Variants in KIAA0232 observed in about 807,000 individuals in gnomAD.
KIAA0232 encodes uncharacterized protein KIAA0232.
A neutral mutation model predicts 122.0 loss-of-function variants in KIAA0232; 27 were observed. That is an observed-to-expected ratio of 0.22 (90% confidence interval 0.16 to 0.31). KIAA0232 has a LOEUF of 0.31. KIAA0232 is among the 10% of genes least tolerant of loss of function. The probability of loss-of-function intolerance (pLI) is 1.00; values close to 1 mark genes in which losing one functional copy is unlikely to be tolerated. For missense variants in KIAA0232, 1,551 were observed against 1,634.2 expected (o/e 0.95, Z 0.88); for synonymous variants, 613 against 587.6 (o/e 1.04, Z -0.63).
Position 6,824,201 on chromosome 4 carries a change from C to G in KIAA0232, c.-253C>G, listed in dbSNP as rs1446280665. The G allele has an allele frequency of 3.8e-6, 2 of 532,594 alleles. No individual in the cohort carries two copies. Among genetic ancestry groups the G allele is most frequent in the Non-Finnish European group, 6.7e-6 (2 of 300,024 alleles). The allele number at this position is 532,594 out of a possible 1,614,324, so 33.0% of individuals were successfully genotyped here. A position where few individuals can be genotyped will look rare whatever the true frequency, so the allele number is the denominator to read the frequency against. On this transcript the variant is annotated 5_prime_UTR_variant, in exon 3 of 10. Transcript: ENST00000307659. ...TTTTTGTAGGTTCTGCCGGAGACTT[C>G]CATTTGGCCTCAATGTGAAATTAAA...
intron 1 of KIAA0232, among the ~76,000 whole-genome samples, chr4:6,786,444 G>A (rs141326909): frequency 9.1e-4 from 138 of 151,954 alleles, no homozygotes; most frequent in African/African-American, 3.1e-3. Context: ...CTGGGACCAC[G>A]GGCATGCACC....
chr4:6,803,283 C>T (rs1448900283), intron 1 of KIAA0232, among the ~76,000 whole-genome samples: 1 of 151,118 alleles, frequency 6.6e-6, no homozygotes, highest in Non-Finnish European at 1.5e-5. Context: ...TGGAAATATT[C>T]CATGAGTAGT....
intron 1 of KIAA0232, among the ~76,000 whole-genome samples, chr4:6,795,066 A>T (rs951313769): frequency 4.6e-5 from 7 of 151,866 alleles, no homozygotes; most frequent in African/African-American, 1.5e-4. Flanking sequence ...CACAAGCCAC[A>T]TGTTTTGTTT....
At chr4:6,816,773 C>T (rs1391011549) in intron 2 of KIAA0232, among the ~76,000 whole-genome samples, 2 of 152,156 alleles carry the variant, frequency 1.3e-5, no homozygotes, top group Non-Finnish European at 2.9e-5. Context: ...ATTCAATTCC[C>T]TTTATAGATA....
At chr4:6,811,481 C>T (rs1022772484) in intron 2 of KIAA0232, among the ~76,000 whole-genome samples, 1 of 152,172 alleles carries the variant, frequency 6.6e-6, no homozygotes, top group African/African-American at 2.4e-5. Context: ...CTCACTCTGT[C>T]ACCTAGGCTG....
At chr4:6,837,242 C>T (rs1402577077) in intron 3 of KIAA0232, among the ~76,000 whole-genome samples, 4 of 150,498 alleles carry the variant, frequency 2.7e-5, no homozygotes, top group Admixed American at 6.6e-5. Flanking sequence ...GAAGGGGCGG[C>T]GGGTCACAGA....
intron 4 of KIAA0232, among the ~76,000 whole-genome samples, chr4:6,854,865 G>A (rs1454132857): frequency 1.3e-5 from 2 of 151,964 alleles, no homozygotes; most frequent in Non-Finnish European, 2.9e-5. Flanking sequence ...ATGGCCTTAT[G>A]GATATGCTAT....
Position 6,878,746 on chromosome 4 carries a change from C to T in KIAA0232, c.4008+1989C>T, listed in dbSNP as rs150517391. On this transcript the variant is annotated intron_variant, in intron 9 of 9. Transcript: ENST00000307659. Reference sequence around the variant, plus strand: ...TCTGGACTGGGCTGTTGTAGTTTCCCGTTAACTTGAATCACACGGCATGTG... The same window carrying T: ...TCTGGACTGGGCTGTTGTAGTTTCCTGTTAACTTGAATCACACGGCATGTG... Among the ~76,000 whole-genome samples the T allele has an allele frequency of 2.6e-5, 4 of 152,244 alleles. No homozygotes were observed. In the East Asian group the frequency reaches 5.8e-4, roughly 22 times the overall value.
At chr4:6,797,483 A>C (rs1283982605) in intron 1 of KIAA0232, among the ~76,000 whole-genome samples, 1 of 152,190 alleles carries the variant, frequency 6.6e-6, no homozygotes, top group Non-Finnish European at 1.5e-5. Context: ...CAAATGTATA[A>C]AGAGGGCCGG....
intron 4 of KIAA0232, among the ~76,000 whole-genome samples, chr4:6,853,107 G>A (rs1577399898): frequency 6.6e-6 from 1 of 152,214 alleles, no homozygotes. Flanking sequence ...ATTGGGGACT[G>A]ACTGATTCCC....
At position 6,863,356 on chromosome 4, in the gene KIAA0232, C is replaced by T; in HGVS notation, c.2974C>T (p.Pro992Ser). Residue 992 changes from proline to serine, a missense_variant, in exon 7 of 10, where the codon CCC becomes TCC. Transcript: ENST00000307659. ...TCCTGGGCACAGGCAGTTATGGAAA[C>T]CCTTCGTGTCATTTGAACAGAATGA... ...FAPGHRQLWK[P>S]FVSFEQNDQP... The T allele has an allele frequency of 6.2e-7, 1 of 1,614,160 alleles. No homozygotes were observed. The highest frequency in any genetic ancestry group is 8.5e-7 in the Non-Finnish European group (1 of 1,180,030).
intron 3 of KIAA0232, among the ~76,000 whole-genome samples, chr4:6,837,649 C>T (rs1349732634): frequency 2.6e-5 from 4 of 152,352 alleles, no homozygotes; most frequent in East Asian, 1.9e-4. Context: ...AGCGAGACTC[C>T]GTCTGCAATC....
intron 9 of KIAA0232, 63 bp downstream of exon 9, chr4:6,876,820 T>C (rs1487470095): frequency 2.5e-6 from 3 of 1,203,770 alleles, no homozygotes; most frequent in South Asian, 1.2e-5. Context: ...CAGTTGTCAC[T>C]GTAGTCAAAA....
chr4:6,859,388 C>T (rs185332694), intron 6 of KIAA0232, among the ~76,000 whole-genome samples: 12 of 152,186 alleles, frequency 7.9e-5, no homozygotes, highest in African/African-American at 2.9e-4. Context: ...TATTATCCAG[C>T]ACAGAAGCTG....
intron 1 of KIAA0232, among the ~76,000 whole-genome samples, chr4:6,790,634 C>A (rs1206890169): frequency 2.0e-5 from 3 of 152,012 alleles, no homozygotes; most frequent in African/African-American, 7.2e-5. Flanking sequence ...ATCCTCCCGC[C>A]TTGGCCTCTC....
chr4:6,821,821 C>T (rs891309732), intron 2 of KIAA0232, among the ~76,000 whole-genome samples: 9 of 151,922 alleles, frequency 5.9e-5, no homozygotes, highest in Non-Finnish European at 7.4e-5. Context: ...TAAATACGAA[C>T]GAGTGTGCAA....
At chr4:6,876,874 G>C in intron 9 of KIAA0232, 117 bp downstream of exon 9, 1 of 691,044 alleles carries the variant, frequency 1.4e-6, no homozygotes, top group Non-Finnish European at 2.6e-6. Context: ...CCAGGAACCA[G>C]CCAGGCCTGT....
rs966364670 is a variant in KIAA0232 at position 6,824,227 on chromosome 4, G to A, written c.-227G>A. The A allele has an allele frequency of 1.8e-5, 10 of 556,264 alleles. No homozygotes were observed. In the South Asian group the frequency reaches 2.4e-4, roughly 13 times the overall value. The allele number at this position is 556,264 out of a possible 1,614,324, so 34.5% of individuals were successfully genotyped here. On this transcript the variant is annotated 5_prime_UTR_variant, in exon 3 of 10. Coordinates refer to ENST00000307659, the MANE Select transcript of KIAA0232 (RefSeq NM_014743.3). ...CATTTGGCCTCAATGTGAAATTAAA[G>A]TAGAAAATCACATCTACATGCATGT... is the stretch of plus-strand genomic sequence containing the variant.
chr4:6,823,046 G>A (rs981377800), intron 2 of KIAA0232, among the ~76,000 whole-genome samples: 4 of 150,600 alleles, frequency 2.7e-5, no homozygotes, highest in African/African-American at 4.9e-5. Flanking sequence ...TTTTGTTCTT[G>A]CGATAGTTTA....
Sources: gnomAD v4.1 joint callset for allele counts (sites outside exome capture counted in the v4.1 genomes callset) on GRCh38, gnomAD v4.1.1 for gene constraint, MANE v1.5 for transcripts, NCBI Gene and HGNC (gene_info 2026-07-23, HGNC 2026-07-21) for gene names.